Variants in GPT2 observed in about 807,000 individuals in gnomAD.
GPT2 encodes the protein glutamic--pyruvic transaminase 2, also known as alanine aminotransferase 2.
In GPT2, 30 loss-of-function variants were observed where a neutral mutation model predicts 56.9. The ratio of observed to expected loss-of-function variants is 0.53; its 90% CI spans 0.39 to 0.72. The LOEUF is 0.72. Among genes scored for constraint, GPT2 ranks in the 30% least tolerant of loss-of-function variants. The pLI is 0.00. For synonymous variants in GPT2, 271 were observed against 283.1 expected, an observed-to-expected ratio of 0.96 and a Z score of 0.43; for missense variants, 542 against 703.4, an observed-to-expected ratio of 0.77 and a Z score of 2.60.
At position 46,922,240 on chromosome 16, in the gene GPT2, A is replaced by C; in HGVS notation, c.1038-2A>C. On this transcript the variant is annotated splice_acceptor_variant, in intron 8 of 11. Coordinates refer to ENST00000340124, the MANE Select transcript of GPT2 (RefSeq NM_133443.4). LOFTEE classifies it high-confidence loss of function. Reference sequence around the variant, plus strand: ...GTCCTCTCCCTCTCTTTGGCCCTCCAGGTGTGGTTACAGAGGAGGCTACAT... The same window carrying C: ...GTCCTCTCCCTCTCTTTGGCCCTCCCGGTGTGGTTACAGAGGAGGCTACAT... 1 of 1,613,438 alleles carries C rather than the reference A, an allele frequency of 6.2e-7. No individual in the cohort carries two copies. Among genetic ancestry groups the C allele is most frequent in the Non-Finnish European group, 8.5e-7 (1 of 1,179,800 alleles).
chr16:46,906,142 T>TA (rs1172293099), intron 4 of GPT2, among the ~76,000 whole-genome samples: 1 of 152,094 alleles, frequency 6.6e-6, no homozygotes, highest in Non-Finnish European at 1.5e-5. Context: ...GGTGTCATCA[T>TA]AGCTCACCGC....
At chr16:46,924,349 C>A in intron 9 of GPT2, 40 bp from the exon 10 acceptor site, 2 of 1,607,824 alleles carry the variant, frequency 1.2e-6, no homozygotes, top group Non-Finnish European at 1.7e-6. Context: ...AATCTTTATC[C>A]AGAGATACTG....
chr16:46,908,584 C>T (rs977985165), intron 5 of GPT2, among the ~76,000 whole-genome samples: 10 of 152,150 alleles, frequency 6.6e-5, no homozygotes, highest in Admixed American at 2.6e-4. Context: ...CTTTCTTACA[C>T]GTTAAGCTCT....
At chr16:46,921,131 C>T (rs554867638) in intron 8 of GPT2, among the ~76,000 whole-genome samples, 2 of 152,238 alleles carry the variant, frequency 1.3e-5, no homozygotes, top group Admixed American at 6.5e-5. Context: ...TTGCCAGTTC[C>T]GTTCAGCAGT....
At position 46,918,598 on chromosome 16, in the gene GPT2, CCGT is replaced by C; in HGVS notation, c.901-21_901-19del. The C allele has an allele frequency of 3.7e-6, 6 of 1,612,196 alleles. No homozygotes were observed. Among genetic ancestry groups the C allele is most frequent in the Non-Finnish European group, 5.1e-6 (6 of 1,178,754 alleles). On this transcript the variant is annotated intron_variant, in intron 7 of 11. Coordinates refer to ENST00000340124, the MANE Select transcript of GPT2 (RefSeq NM_133443.4). ...AGCCTCTTTGAGGACCCTTTGGTGA[CCGT>C]CCCTGCCGTGCCCCCGCAGGTGTAC...
intron 6 of GPT2, chr16:46,915,824 TC>T: frequency 8.6e-6 from 1 of 116,064 alleles, no homozygotes; most frequent in South Asian, 3.0e-4. Flanking sequence ...CACACCCCCA[TC>T]ACACCTACAC....
chr16:46,901,739 T>C (rs1960821644), intron 4 of GPT2, among the ~76,000 whole-genome samples: 1 of 152,122 alleles, frequency 6.6e-6, no homozygotes, highest in Admixed American at 6.5e-5. Flanking sequence ...CCGTCCCTTA[T>C]TGACGGCCCT....
intron 8 of GPT2, among the ~76,000 whole-genome samples, chr16:46,921,789 G>T (rs1341844569): frequency 6.6e-6 from 1 of 152,128 alleles, no homozygotes; most frequent in Non-Finnish European, 1.5e-5. Context: ...AGCTGAGGTG[G>T]GAGGATCGCT....
chr16:46,896,862 A>C (rs1357436803), intron 2 of GPT2, among the ~76,000 whole-genome samples: 1 of 152,204 alleles, frequency 6.6e-6, no homozygotes, highest in Non-Finnish European at 1.5e-5. Context: ...TGACCTTGGA[A>C]TCCGTCTTCC....
intron 2 of GPT2, among the ~76,000 whole-genome samples, chr16:46,892,932 G>A (rs1325517739): frequency 6.6e-6 from 1 of 152,084 alleles, no homozygotes; most frequent in Non-Finnish European, 1.5e-5. Context: ...TATAAATGGC[G>A]TAGTATTTGC....
rs754256088 is a variant in GPT2, at chr16:46,916,657, G to C, written c.850G>C (p.Asp284His). 2 of 1,613,882 alleles carry C rather than the reference G, an allele frequency of 1.2e-6. No homozygotes were observed. The highest frequency in any genetic ancestry group is 1.7e-6 in the Non-Finnish European group (2 of 1,179,830). Residue 284 changes from aspartate to histidine, a missense_variant, in exon 7 of 12, where the codon GAT (aspartate) becomes CAT (histidine). By Grantham distance (81) the Asp-to-His change is moderately conservative (BLOSUM62 -1). Transcript: ENST00000340124. ...GGTACAAAGCAGAAAGTGCATAGAA[G>C]ATGTGATCCACTTTGCCTGGGAAGA... ...GQVQSRKCIE[D>H]VIHFAWEEKL...
intron 8 of GPT2, among the ~76,000 whole-genome samples, chr16:46,921,569 A>G (rs1961288282): frequency 6.6e-6 from 1 of 152,184 alleles, no homozygotes; most frequent in African/African-American, 2.4e-5. Flanking sequence ...TCCTGCCTCC[A>G]GGCACCTGCG....
rs144315174 is a variant in GPT2, at chr16:46,900,763, C to T, written c.415C>T (p.Leu139=). 1.2e-5 allele frequency: 19 copies of T among 1,614,026 alleles called. No homozygotes were observed. In the African/African-American group the frequency reaches 2.4e-4, roughly 20 times the overall value. Residue 139 remains leucine, a synonymous_variant, in exon 4 of 12, where the codon CTG becomes TTG. Coordinates refer to ENST00000340124, the MANE Select transcript of GPT2 (RefSeq NM_133443.4). ...EDAKKRARRI[L]QACGGNSLGS... ...TGCTAAGAAACGTGCCCGGCGGATC[C>T]TGCAGGCTTGTGGCGGGAACAGCCT...
At chr16:46,912,845 A>G (rs1424880206) in intron 6 of GPT2, among the ~76,000 whole-genome samples, 1 of 152,178 alleles carries the variant, frequency 6.6e-6, no homozygotes, top group Non-Finnish European at 1.5e-5. Context: ...TTACATTTCA[A>G]TGTGAGATTT....
chr16:46,926,481 C>G (rs1961416088), intron 10 of GPT2, among the ~76,000 whole-genome samples: 1 of 152,122 alleles, frequency 6.6e-6, no homozygotes, highest in Non-Finnish European at 1.5e-5. Flanking sequence ...ATGATAGAAC[C>G]TGAGAATCTG....
intron 4 of GPT2, among the ~76,000 whole-genome samples, chr16:46,905,937 C>G (rs1212229187): frequency 1.3e-5 from 2 of 152,090 alleles, no homozygotes; most frequent in Non-Finnish European, 2.9e-5. Context: ...TGGCTTTCAA[C>G]CCTAAATGGC....
At chr16:46,901,175 C>T (rs932512973) in intron 4 of GPT2, among the ~76,000 whole-genome samples, 4 of 152,208 alleles carry the variant, frequency 2.6e-5, no homozygotes, top group Admixed American at 6.5e-5. Flanking sequence ...GCCTCCAGCT[C>T]TGAACATGTC....
At chr16:46,896,613 C>T (rs1165571825) in intron 2 of GPT2, among the ~76,000 whole-genome samples, 1 of 152,150 alleles carries the variant, frequency 6.6e-6, no homozygotes, top group Non-Finnish European at 1.5e-5. Flanking sequence ...GGTAGAGCTG[C>T]GCCTGGGGCA....
intron 6 of GPT2, chr16:46,915,733 C>CCA (rs1000084863): frequency 3.4e-5 from 5 of 148,516 alleles, no homozygotes; most frequent in Admixed American, 6.7e-5. Context: ...CCCACCACAC[C>CCA]CACACACACA....
Sources: gnomAD v4.1 joint callset for allele counts (sites outside exome capture counted in the v4.1 genomes callset) on GRCh38, gnomAD v4.1.1 for gene constraint, MANE v1.5 for transcripts, NCBI Gene and HGNC (gene_info 2026-07-23, HGNC 2026-07-21) for gene names.